The following FBXO11 variants were observed in gnomAD, a reference collection of about 807,000 sequenced individuals.
FBXO11 encodes F-box only protein 11.
In FBXO11, 13 loss-of-function variants were observed where a neutral mutation model predicts 117.0. The observed-to-expected ratio is 0.11, with a 90% CI of 0.07 to 0.18. The LOEUF (loss-of-function observed/expected upper bound fraction) is 0.18. Among genes scored for constraint, FBXO11 ranks in the 10% least tolerant of loss-of-function variants. The pLI is 1.00. For synonymous variants in FBXO11, 490 were observed against 380.5 expected, an observed-to-expected ratio of 1.29 and a Z score of -3.35; for missense variants, 767 against 1,164.4, an observed-to-expected ratio of 0.66 and a Z score of 4.97.
intron 1 of FBXO11, among the ~76,000 whole-genome samples, chr2:47,875,026 G>T (rs192967052): frequency 6.6e-6 from 1 of 152,036 alleles, no homozygotes; most frequent in East Asian, 1.9e-4. Flanking sequence ...TACAGGATAT[G>T]ATCATCTCAA....
intron 1 of FBXO11, among the ~76,000 whole-genome samples, chr2:47,848,826 G>C (rs1673619435): frequency 6.6e-6 from 1 of 152,054 alleles, no homozygotes; most frequent in South Asian, 2.1e-4. Flanking sequence ...TTTATTCTGA[G>C]CCTAGCAGAA....
chr2:47,879,699 T>G (rs548177746), intron 1 of FBXO11, among the ~76,000 whole-genome samples: 1 of 152,340 alleles, frequency 6.6e-6, no homozygotes, highest in South Asian at 2.1e-4. Flanking sequence ...TTCCTAACTG[T>G]AAATAAGTTT....
At chr2:47,901,963 T>A (rs1678332897) in intron 1 of FBXO11, among the ~76,000 whole-genome samples, 1 of 152,248 alleles carries the variant, frequency 6.6e-6, no homozygotes, top group Admixed American at 6.5e-5. Context: ...AGACCGAGTC[T>A]TGCACTGTGT....
intron 7 of FBXO11, among the ~76,000 whole-genome samples, chr2:47,834,021 A>G (rs1672371287): frequency 6.6e-6 from 1 of 152,200 alleles, no homozygotes. Flanking sequence ...CGTTTAATGA[A>G]TAACTCAAGG....
intron 11 of FBXO11, among the ~76,000 whole-genome samples, chr2:47,824,216 A>G (rs1481397428): frequency 1.3e-5 from 2 of 152,206 alleles, no homozygotes; most frequent in Non-Finnish European, 2.9e-5. Context: ...GTCAGCTTCT[A>G]AAAGTTGTGG....
chr2:47,831,142 C>A (rs113348815), intron 11 of FBXO11, among the ~76,000 whole-genome samples: 1 of 151,480 alleles, frequency 6.6e-6, no homozygotes, highest in Admixed American at 6.6e-5. Context: ...CTTGGCCAGG[C>A]GCAGTGGCTC....
chr2:47,832,753 T>G lies in FBXO11; in HGVS notation c.1153+16A>C, dbSNP rs201005367. Reference sequence around the variant, plus strand: ...TGACTCAAAATTTTATTGTAAAATATAAAGAAAACACTAACCTGTACATGT... The same window carrying G: ...TGACTCAAAATTTTATTGTAAAATAGAAAGAAAACACTAACCTGTACATGT... On this transcript the variant is annotated intron_variant, in intron 9 of 22. Coordinates refer to ENST00000403359, the MANE Select transcript of FBXO11 (RefSeq NM_001190274.2). 7.0e-5 allele frequency: 113 copies of G among 1,608,726 alleles called. No homozygotes were observed. The Admixed American group carries it at 1.8e-3, about 26-fold the overall frequency.
intron 1 of FBXO11, among the ~76,000 whole-genome samples, chr2:47,883,093 TA>T (rs1057448407): frequency 2.0e-5 from 3 of 152,208 alleles, no homozygotes; most frequent in African/African-American, 7.2e-5. Flanking sequence ...TACTCAAGTC[TA>T]AAAAATAGAT....
intron 1 of FBXO11, among the ~76,000 whole-genome samples, chr2:47,896,693 T>G (rs1041917059): frequency 2.6e-5 from 4 of 152,220 alleles, no homozygotes; most frequent in African/African-American, 4.8e-5. Context: ...TGACAAGTTA[T>G]CATAATCAGT....
chr2:47,816,883 T>G (rs965132942), intron 16 of FBXO11, among the ~76,000 whole-genome samples: 3 of 152,208 alleles, frequency 2.0e-5, no homozygotes, highest in Non-Finnish European at 2.9e-5. Flanking sequence ...AGAGTAGATT[T>G]AGCATAATTC....
At chr2:47,901,160 T>C (rs1007684010) in intron 1 of FBXO11, among the ~76,000 whole-genome samples, 1 of 125,964 alleles carries the variant, frequency 7.9e-6, no homozygotes, top group Non-Finnish European at 1.8e-5. Context: ...TGTACATATA[T>C]ACATATATAT....
At chr2:47,890,496 C>A (rs899965678) in intron 1 of FBXO11, among the ~76,000 whole-genome samples, 1 of 152,014 alleles carries the variant, frequency 6.6e-6, no homozygotes, top group Non-Finnish European at 1.5e-5. Context: ...TATGAGTTCA[C>A]GACACAATCA....
At chr2:47,867,331 T>C (rs539157011) in intron 1 of FBXO11, among the ~76,000 whole-genome samples, 3 of 152,178 alleles carry the variant, frequency 2.0e-5, no homozygotes, top group African/African-American at 7.2e-5. Flanking sequence ...GCAGCTATTC[T>C]TTTGAAACAC....
chr2:47,821,212 C>A (rs1410102761), intron 13 of FBXO11, among the ~76,000 whole-genome samples: 1 of 152,218 alleles, frequency 6.6e-6, no homozygotes, highest in Non-Finnish European at 1.5e-5. Context: ...TGGCTCATAC[C>A]TGTAATCCCA....
chr2:47,895,795 C>T (rs907959041), intron 1 of FBXO11, among the ~76,000 whole-genome samples: 2 of 151,872 alleles, frequency 1.3e-5, no homozygotes, highest in Non-Finnish European at 2.9e-5. Context: ...TGGTTTCAGG[C>T]GATTCTCCTG....
In FBXO11 at chr2:47,905,727, G is replaced by T. The variant is rs764852405; in HGVS notation, c.-7C>A. The T allele has an allele frequency of 2.6e-6, 4 of 1,526,320 alleles. No homozygotes were observed. In the South Asian group the frequency reaches 4.8e-5, roughly 18 times the overall value. 94.5% of individuals were successfully genotyped at this position (1,526,320 alleles called of 1,614,324 possible). A position where few individuals can be genotyped will look rare whatever the true frequency, so the allele number is the denominator to read the frequency against. On this transcript the variant is annotated 5_prime_UTR_variant, in exon 1 of 23. Coordinates refer to ENST00000403359, the MANE Select transcript of FBXO11 (RefSeq NM_001190274.2). ...CGGCTCGGACGGAGTTCATTTGCCGGGCTGAGGTGGCGGCGTTGGCGGAGG... is the reference window on the plus strand; with the variant it reads ...CGGCTCGGACGGAGTTCATTTGCCGTGCTGAGGTGGCGGCGTTGGCGGAGG...
intron 1 of FBXO11, among the ~76,000 whole-genome samples, chr2:47,862,930 T>G (rs1476885125): frequency 6.6e-6 from 1 of 151,178 alleles, no homozygotes; most frequent in African/African-American, 2.4e-5. Flanking sequence ...TGGCGCATGC[T>G]TGTAATCCCA....
At chr2:47,828,924 A>AT (rs1230185524) in intron 11 of FBXO11, among the ~76,000 whole-genome samples, 2 of 152,042 alleles carry the variant, frequency 1.3e-5, no homozygotes, top group African/African-American at 4.8e-5. Context: ...GAATTTTTTT[A>AT]TTTTTTTGAC....
chr2:47,812,973 G>T, intron 18 of FBXO11: 1 of 440,490 alleles, frequency 2.3e-6, no homozygotes, highest in Non-Finnish European at 4.1e-6. Context: ...AATTTTAAAA[G>T]GTCCAGAGAA....
Sources: allele counts gnomAD v4.1 joint callset (sites outside exome capture counted in the v4.1 genomes callset), GRCh38; gene constraint gnomAD v4.1.1; transcripts MANE v1.5; gene names NCBI Gene and HGNC (gene_info 2026-07-23, HGNC 2026-07-21).